DNAH11: variants seen among roughly 807,000 people sequenced by gnomAD.
DNAH11 encodes axonemal beta dynein heavy chain 11.
In DNAH11, 442 loss-of-function variants were observed where a neutral mutation model predicts 526.0. That is an observed-to-expected ratio of 0.84 (90% confidence interval 0.78 to 0.91). The LOEUF (loss-of-function observed/expected upper bound fraction) is 0.91, where lower values mean the gene tolerates loss of function less well. DNAH11 is among the 40% of genes least tolerant of loss of function. The pLI is 0.00. For missense variants in DNAH11, 6,989 were observed against 5,448.7 expected (o/e 1.28, Z -8.90); for synonymous variants, 2,461 against 1,935.9 (o/e 1.27, Z -7.12).
chr7:21,868,419 G>A (rs746728285), intron 72 of DNAH11, among the ~76,000 whole-genome samples: 2 of 152,136 alleles, frequency 1.3e-5, no homozygotes, highest in Non-Finnish European at 2.9e-5. Flanking sequence ...GGTTAATATA[G>A]CTGTGACCTG....
At chr7:21,611,426 T>A (rs1275647421) in intron 20 of DNAH11, among the ~76,000 whole-genome samples, 1 of 152,204 alleles carries the variant, frequency 6.6e-6, no homozygotes, top group East Asian at 1.9e-4. Flanking sequence ...GTGAGACTTC[T>A]CAGCCTTCAT....
chr7:21,553,982 T>C (rs1783120728), intron 2 of DNAH11, among the ~76,000 whole-genome samples: 1 of 152,144 alleles, frequency 6.6e-6, no homozygotes, highest in Non-Finnish European at 1.5e-5. Flanking sequence ...TACTGGGTCC[T>C]CTGGATCTAA....
At chr7:21,764,736 G>A (rs1420548918) in intron 54 of DNAH11, among the ~76,000 whole-genome samples, 1 of 152,102 alleles carries the variant, frequency 6.6e-6, no homozygotes, top group Non-Finnish European at 1.5e-5. Flanking sequence ...AGAATCCCTT[G>A]TGTCCCTAAA....
chr7:21,663,871 A>G (rs779612711), intron 30 of DNAH11, among the ~76,000 whole-genome samples: 8 of 151,918 alleles, frequency 5.3e-5, no homozygotes, highest in Non-Finnish European at 1.2e-4. Flanking sequence ...ATTCTTCATA[A>G]TGCTGAATAA....
chr7:21,724,229 A>G (rs765002201), intron 44 of DNAH11, among the ~76,000 whole-genome samples: 4 of 152,202 alleles, frequency 2.6e-5, no homozygotes, highest in Non-Finnish European at 4.4e-5. Context: ...CTGGCTCAAG[A>G]CCAACTTTTG....
intron 65 of DNAH11, among the ~76,000 whole-genome samples, chr7:21,830,135 G>A (rs748605042): frequency 3.3e-5 from 5 of 152,204 alleles, no homozygotes; most frequent in East Asian, 1.9e-4. Flanking sequence ...TAGATGATAC[G>A]TATTTGAAGA....
intron 24 of DNAH11, 92 bp from the exon 25 acceptor site, chr7:21,619,864 T>C: frequency 7.7e-7 from 1 of 1,290,382 alleles, no homozygotes; most frequent in Non-Finnish European, 1.1e-6. Flanking sequence ...GTTTGCATTT[T>C]TGAAAGTTGA....
chr7:21,822,449 G>A (rs888163990), intron 65 of DNAH11, among the ~76,000 whole-genome samples: 15 of 152,198 alleles, frequency 9.9e-5, no homozygotes, highest in Non-Finnish European at 2.1e-4. Flanking sequence ...TTCCCACCAG[G>A]CCCACCTCCA....
chr7:21,822,497 G>A (rs187469471), intron 65 of DNAH11, among the ~76,000 whole-genome samples: 43 of 152,252 alleles, frequency 2.8e-4, no homozygotes, highest in African/African-American at 1.0e-3. Context: ...ATTTGGAGAG[G>A]ACAAATATCC....
At chr7:21,890,945 T>C (rs944265301) in intron 76 of DNAH11, among the ~76,000 whole-genome samples, 8 of 152,158 alleles carry the variant, frequency 5.3e-5, no homozygotes, top group Admixed American at 5.2e-4. Context: ...AAATGCTGTG[T>C]CGAATGTTTT....
At chr7:21,833,393 T>C (rs1781863592) in intron 65 of DNAH11, among the ~76,000 whole-genome samples, 2 of 152,180 alleles carry the variant, frequency 1.3e-5, no homozygotes, top group African/African-American at 2.4e-5. Context: ...AGAGTGGCAA[T>C]GAAAAGATGA....
chr7:21,815,928 C>T (rs765794306), intron 63 of DNAH11, among the ~76,000 whole-genome samples: 5 of 152,074 alleles, frequency 3.3e-5, no homozygotes, highest in African/African-American at 4.8e-5. Context: ...TTCCTCTCAG[C>T]CTAGAAGTGA....
intron 66 of DNAH11, chr7:21,851,411 T>C (rs1782631944): frequency 5.9e-6 from 2 of 340,960 alleles, no homozygotes; most frequent in Admixed American, 3.6e-5. Context: ...GGAAGTCCTT[T>C]ATCGCACCTT....
At chr7:21,570,793 G>T (rs1783855906) in intron 7 of DNAH11, 1 of 151,440 alleles carries the variant, frequency 6.6e-6, no homozygotes, top group South Asian at 2.1e-4. Flanking sequence ...TATGTGCTCT[G>T]TGTAAAAGTT....
At chr7:21,590,131 T>TGAACAATG (rs1203907975) in intron 12 of DNAH11, among the ~76,000 whole-genome samples, 1 of 152,224 alleles carries the variant, frequency 6.6e-6, no homozygotes, top group Non-Finnish European at 1.5e-5. Flanking sequence ...TTACATGTTA[T>TGAACAATG]GTAACAATGG....
At chr7:21,555,842 G>A (rs535239185) in intron 2 of DNAH11, among the ~76,000 whole-genome samples, 1 of 152,180 alleles carries the variant, frequency 6.6e-6, no homozygotes, top group African/African-American at 2.4e-5. Flanking sequence ...GCTCTCGACT[G>A]GAGTCCTTCT....
chr7:21,621,590 T>G (rs187048494), intron 25 of DNAH11, among the ~76,000 whole-genome samples: 2 of 151,968 alleles, frequency 1.3e-5, no homozygotes, highest in African/African-American at 2.4e-5. Context: ...ACTGGCAAAC[T>G]GAATCCAGCA....
chr7:21,665,136 A>T (rs1782376587), intron 30 of DNAH11, among the ~76,000 whole-genome samples: 1 of 146,856 alleles, frequency 6.8e-6, no homozygotes, highest in Admixed American at 6.8e-5. Context: ...AGTGCCTTTC[A>T]CTCCCTCTCT....
rs764813393 is a variant in DNAH11 at position 21,636,045 on chromosome 7, C to G, written c.4675C>G (p.Gln1559Glu). ...TGTCTGTTCAGAAGATATTCGAATC[C>G]AGCTTGTGAAAGATGCTAGAAGATT... ...IFVCSEDIRIQLVKDARRFDG... is the reference protein window; with the variant it reads ...IFVCSEDIRIELVKDARRFDG... The change falls in exon 26 of 82, where the codon CAG becomes GAG. Residue 1559 changes from glutamine to glutamate, a missense_variant. Physicochemically the swap from Gln to Glu is conservative, Grantham distance 29. Transcript: ENST00000409508. The G allele has an allele frequency of 1.2e-6, 2 of 1,613,460 alleles. No individual in the cohort carries two copies. Among genetic ancestry groups the G allele is most frequent in the East Asian group, 4.5e-5 (2 of 44,852 alleles).
Sources: gnomAD v4.1 joint callset for allele counts (sites outside exome capture counted in the v4.1 genomes callset) on GRCh38, gnomAD v4.1.1 for gene constraint, MANE v1.5 for transcripts, NCBI Gene and HGNC (gene_info 2026-07-23, HGNC 2026-07-21) for gene names.